The following IPO9 variants were observed in gnomAD, a reference collection of about 807,000 sequenced individuals.
IPO9 encodes importin 9.
IPO9 carries 28 observed loss-of-function variants against 128.6 expected under a neutral mutation model. That is an observed-to-expected ratio of 0.22 (90% CI 0.16 to 0.30). The LOEUF (loss-of-function observed/expected upper bound fraction) is 0.30, where lower values mean the gene tolerates loss of function less well. IPO9 is among the 10% of genes least tolerant of loss of function. IPO9 has a pLI of 1.00. For missense variants in IPO9, 935 were observed against 1,293.9 expected (o/e 0.72, Z 4.26); for synonymous variants, 455 against 475.8 (o/e 0.96, Z 0.57).
intron 1 of IPO9, among the ~76,000 whole-genome samples, chr1:201,830,041 T>G (rs1387003452): frequency 6.6e-6 from 1 of 152,248 alleles, no homozygotes; most frequent in African/African-American, 2.4e-5. Context: ...TTTTTGATTC[T>G]TTGTCTCCGT....
At chr1:201,874,142 G>A (rs555772685) in intron 20 of IPO9, 108 bp from the exon 21 acceptor site, 1 of 1,146,758 alleles carries the variant, frequency 8.7e-7, no homozygotes, top group African/African-American at 1.5e-5. Flanking sequence ...TACAGTGAAA[G>A]TCTGAGGGGT....
At chr1:201,873,176 C>G (rs1680692998) in intron 20 of IPO9, among the ~76,000 whole-genome samples, 1 of 152,160 alleles carries the variant, frequency 6.6e-6, no homozygotes, top group South Asian at 2.1e-4. Context: ...GGCATGGTGG[C>G]TCACGCCTGT....
chr1:201,849,181 G>A (rs1680173551), intron 4 of IPO9, among the ~76,000 whole-genome samples: 1 of 152,212 alleles, frequency 6.6e-6, no homozygotes, highest in Non-Finnish European at 1.5e-5. Context: ...AGAATATGTA[G>A]TCTCAGTATC....
chr1:201,873,239 G>C (rs1680694085), intron 20 of IPO9, among the ~76,000 whole-genome samples: 1 of 152,010 alleles, frequency 6.6e-6, no homozygotes, highest in South Asian at 2.1e-4. Flanking sequence ...GAAGTCAGGA[G>C]TTTGAGACTA....
intron 1 of IPO9, among the ~76,000 whole-genome samples, chr1:201,830,928 A>C (rs544206852): frequency 3.8e-4 from 58 of 152,222 alleles, no homozygotes; most frequent in Admixed American, 1.0e-3. Context: ...CTTTAGCCAA[A>C]TGCCATGGTC....
At chr1:201,831,198 T>A (rs4950794) in intron 1 of IPO9, among the ~76,000 whole-genome samples, 12,277 of 152,140 alleles carry the variant, frequency 0.081, 814 homozygotes, top group East Asian at 0.31. Context: ...AAAAATTAAA[T>A]TTCAGAAGTA....
chr1:201,874,766 T>A, intron 21 of IPO9, 66 bp from the exon 22 acceptor site: 1 of 1,121,404 alleles, frequency 8.9e-7, no homozygotes. Flanking sequence ...TTCTGGCCTA[T>A]TTGGATTTGG....
In IPO9 at chr1:201,848,465, G is replaced by T; in HGVS notation, c.385G>T (p.Ala129Ser). Residue 129 changes from alanine to serine, a missense_variant, in exon 4 of 24, where the codon GCC becomes TCC. This residue lies in a region of IPO9 where 741 missense variants were observed against 1,019.1 expected (regional missense o/e 0.73). Coordinates refer to ENST00000361565, the MANE Select transcript of IPO9 (RefSeq NM_018085.5). Reference sequence around the variant, plus strand: ...GATAAGCAAAGTGCGCTCCAGTGTGGCCTATGCAGTGTCAGCCATTGCCCA... The same window carrying T: ...GATAAGCAAAGTGCGCTCCAGTGTGTCCTATGCAGTGTCAGCCATTGCCCA... ...ESISKVRSSV[A>S]YAVSAIAHWD... The T allele has an allele frequency of 6.2e-7, 1 of 1,614,204 alleles. No individual in the cohort carries two copies. The highest frequency in any genetic ancestry group is 8.5e-7 in the Non-Finnish European group (1 of 1,180,034).
chr1:201,875,186 C>A lies in IPO9; in HGVS notation c.2973C>A (p.Asp991Glu), dbSNP rs1181455962. 15 of 1,614,128 alleles carry A rather than the reference C, an allele frequency of 9.3e-6. No homozygotes were observed. Among genetic ancestry groups the A allele is most frequent in the Non-Finnish European group, 1.3e-5 (15 of 1,179,966 alleles). The change falls in exon 23 of 24, where the codon GAC becomes GAA. Residue 991 changes from aspartate to glutamate, a missense_variant. Asp to Glu is a conservative substitution (Grantham distance 45). Transcript: ENST00000361565. ...ACTACGAGGATGATGAGGAAGATGA[C>A]CCTGATGCCCTGAAGGATCCTCTCT... ...EDYYEDDEED[D>E]PDALKDPLYQ...
intron 1 of IPO9, among the ~76,000 whole-genome samples, chr1:201,843,721 C>G (rs2102872244): frequency 6.6e-6 from 1 of 151,416 alleles, no homozygotes; most frequent in South Asian, 2.1e-4. Flanking sequence ...CCAGCTATTC[C>G]AGAGGCTGAG....
chr1:201,883,912 C>A lies in IPO9; in HGVS notation c.*7858C>A, dbSNP rs1030439890. On this transcript the variant is annotated 3_prime_UTR_variant, in exon 24 of 24. Transcript: ENST00000361565. The stretch of plus-strand genomic sequence containing the variant: ...CCGGTTGTGTGACCTTGAGTAAGTT[C>A]TTTTTCCCTTGAACAGGGAGAGAGA... The A allele has an allele frequency of 2.6e-4, 40 of 152,238 alleles. 1 individual carries two copies. Among genetic ancestry groups the A allele is most frequent in the African/African-American group, 9.6e-4 (40 of 41,456 alleles). 9.4% of individuals were successfully genotyped at this position (152,238 alleles called of 1,614,324 possible).
At position 201,859,202 on chromosome 1, in the gene IPO9, TATATAA is replaced by T. The variant is rs1329682503; in HGVS notation, c.1468+210_1468+215del. Among the ~76,000 whole-genome samples the T allele has an allele frequency of 4.9e-5, 7 of 143,556 alleles. 1 individual carries two copies. Among genetic ancestry groups the T allele is most frequent in the African/African-American group, 7.7e-5 (3 of 38,932 alleles). 94.2% of individuals were successfully genotyped at this position (143,556 alleles called of 152,430 possible). On this transcript the variant is annotated intron_variant, in intron 13 of 23. Transcript: ENST00000361565. ...TATAATATATATATATATATATATATATATAAAGGAAACTCTTTAAACCTGTCATTA... is the reference window on the plus strand; with the variant it reads ...TATAATATATATATATATATATATATAGGAAACTCTTTAAACCTGTCATTA...
chr1:201,848,788 A>T (rs1680165082), intron 4 of IPO9, among the ~76,000 whole-genome samples, 194 bp downstream of exon 4: 1 of 152,120 alleles, frequency 6.6e-6, no homozygotes, highest in African/African-American at 2.4e-5. Flanking sequence ...GTATAGTATT[A>T]CTTCTACTCC....
chr1:201,854,503 T>C, intron 6 of IPO9, 92 bp from the exon 7 acceptor site: 3 of 1,494,766 alleles, frequency 2.0e-6, no homozygotes, highest in Non-Finnish European at 2.7e-6. Context: ...AAGAGAGCTT[T>C]AGGTGCCTTT....
At chr1:201,869,517 G>C (rs779716287) in intron 16 of IPO9, 73 bp from the exon 17 acceptor site, 5 of 1,573,400 alleles carry the variant, frequency 3.2e-6, no homozygotes, top group Non-Finnish European at 4.3e-6. Context: ...TACCCATCCA[G>C]TAAGGATCTT....
intron 13 of IPO9, among the ~76,000 whole-genome samples, chr1:201,860,983 T>C (rs759566075): frequency 1.3e-5 from 2 of 152,050 alleles, no homozygotes; most frequent in Non-Finnish European, 2.9e-5. Context: ...CTGGCTAACA[T>C]GGCCTAACCC....
chr1:201,857,314 T>C, intron 11 of IPO9, 120 bp downstream of exon 11: 1 of 666,528 alleles, frequency 1.5e-6, no homozygotes, highest in Non-Finnish European at 2.7e-6. Flanking sequence ...TCTCAGACTT[T>C]ATTGGGGATG....
chr1:201,850,550 G>A (rs1436277107), intron 4 of IPO9: 1 of 152,164 alleles, frequency 6.6e-6, no homozygotes, highest in Non-Finnish European at 1.5e-5. Flanking sequence ...CGTTCTCAAA[G>A]AAGTTTGGAG....
At chr1:201,839,926 G>C (rs1680006022) in intron 1 of IPO9, among the ~76,000 whole-genome samples, 1 of 151,980 alleles carries the variant, frequency 6.6e-6, no homozygotes, top group South Asian at 2.1e-4. Context: ...ACAGACAAAA[G>C]GATAATACCT....
Sources: allele counts gnomAD v4.1 joint callset (sites outside exome capture counted in the v4.1 genomes callset), GRCh38; gene constraint gnomAD v4.1.1; regional missense constraint gnomAD v4.1.1; transcripts MANE v1.5; gene names NCBI Gene and HGNC (gene_info 2026-07-23, HGNC 2026-07-21).